Variants in MAPK4 observed in about 807,000 individuals in gnomAD.
MAPK4 encodes the protein Erk3-related.
MAPK4 carries 22 observed loss-of-function variants against 47.7 expected under a neutral mutation model. The observed-to-expected ratio is 0.46, with a 90% CI of 0.33 to 0.66. MAPK4 has a LOEUF of 0.66. Ranked by LOEUF, MAPK4 falls within the 30% of genes least tolerant of loss-of-function variation. MAPK4 has a pLI of 0.02. For missense variants in MAPK4, 736 were observed against 831.7 expected, an observed-to-expected ratio of 0.88 and a Z score of 1.42; for synonymous variants, 390 against 365.7, an observed-to-expected ratio of 1.07 and a Z score of -0.76.
chr18:50,714,944 G>A lies in MAPK4; in HGVS notation c.547-135G>A, dbSNP rs535039450. The A allele has an allele frequency of 4.7e-4, 407 of 862,990 alleles. 7 individuals are homozygous for A. In the South Asian group the frequency reaches 6.9e-3, roughly 15 times the overall value. 53.5% of individuals were successfully genotyped at this position (862,990 alleles called of 1,614,324 possible). A position where few individuals can be genotyped will look rare whatever the true frequency, so the allele number is the denominator to read the frequency against. On this transcript the variant is annotated intron_variant, in intron 2 of 5. Coordinates refer to ENST00000400384, the MANE Select transcript of MAPK4 (RefSeq NM_002747.4). ...CGTCTGTTCACTCATGCTCCTTCAA[G>A]ATCAATGGGAAAGGGGCAAGAATGA...
At chr18:50,606,227 T>C (rs1428941002) in intron 1 of MAPK4, among the ~76,000 whole-genome samples, 1 of 152,008 alleles carries the variant, frequency 6.6e-6, no homozygotes, top group South Asian at 2.1e-4. Context: ...TTGACAGATA[T>C]AAGCAAAGGA....
intron 1 of MAPK4, among the ~76,000 whole-genome samples, chr18:50,572,864 A>G (rs1437276354): frequency 2.0e-5 from 3 of 152,230 alleles, no homozygotes; most frequent in East Asian, 1.9e-4. Context: ...TTATTTAATT[A>G]TCACCACCAA....
intron 1 of MAPK4, among the ~76,000 whole-genome samples, chr18:50,643,132 T>C (rs1310976614): frequency 6.6e-6 from 1 of 152,240 alleles, no homozygotes; most frequent in Non-Finnish European, 1.5e-5. Flanking sequence ...TTGATGACAT[T>C]TACATGTTGT....
intron 3 of MAPK4, among the ~76,000 whole-genome samples, chr18:50,715,489 A>G (rs985059535): frequency 1.3e-5 from 2 of 152,314 alleles, no homozygotes; most frequent in South Asian, 4.1e-4. Context: ...TGTTCCCCTA[A>G]CATTCAAAGG....
chr18:50,633,970 C>A (rs1181384530), intron 1 of MAPK4, among the ~76,000 whole-genome samples: 5 of 152,088 alleles, frequency 3.3e-5, no homozygotes, highest in Non-Finnish European at 7.4e-5. Context: ...GAACATTGTG[C>A]CATAAATTTG....
intron 1 of MAPK4, among the ~76,000 whole-genome samples, chr18:50,628,094 G>T (rs1467140396): frequency 6.6e-6 from 1 of 152,192 alleles, no homozygotes; most frequent in Admixed American, 6.5e-5. Context: ...AGGGGCTGGG[G>T]AGGGGGAAGG....
chr18:50,620,430 G>A (rs1376435764), intron 1 of MAPK4, among the ~76,000 whole-genome samples: 1 of 152,182 alleles, frequency 6.6e-6, no homozygotes, highest in African/African-American at 2.4e-5. Context: ...TAGAAATTCT[G>A]ACGCAGAATC....
intron 2 of MAPK4, among the ~76,000 whole-genome samples, chr18:50,667,726 C>G (rs1490481721): frequency 1.3e-5 from 2 of 152,178 alleles, no homozygotes; most frequent in Non-Finnish European, 2.9e-5. Context: ...GAAAAACTCT[C>G]AGAACATTTT....
intron 1 of MAPK4, among the ~76,000 whole-genome samples, chr18:50,561,541 A>G (rs149396131): frequency 3.3e-5 from 5 of 152,348 alleles, no homozygotes; most frequent in African/African-American, 4.8e-5. Flanking sequence ...CCTTATTGTA[A>G]TATGTATTTA....
chr18:50,718,622 T>C (rs1910762069), intron 3 of MAPK4, among the ~76,000 whole-genome samples: 1 of 152,208 alleles, frequency 6.6e-6, no homozygotes, highest in African/African-American at 2.4e-5. Flanking sequence ...AATCTCTCAA[T>C]CACAGCAATG....
chr18:50,582,251 G>A (rs2042351886), intron 1 of MAPK4, among the ~76,000 whole-genome samples: 1 of 152,220 alleles, frequency 6.6e-6, no homozygotes, highest in African/African-American at 2.4e-5. Context: ...GTGGCTCCTA[G>A]TGGCAAGCTC....
intron 1 of MAPK4, among the ~76,000 whole-genome samples, chr18:50,561,915 C>T (rs2042157086): frequency 6.6e-6 from 1 of 152,144 alleles, no homozygotes; most frequent in South Asian, 2.1e-4. Context: ...AAGGCAAAGC[C>T]CTAATGCTCA....
intron 1 of MAPK4, among the ~76,000 whole-genome samples, chr18:50,581,724 C>T (rs1385842648): frequency 6.6e-6 from 1 of 152,200 alleles, no homozygotes; most frequent in Non-Finnish European, 1.5e-5. Flanking sequence ...CTCTGGGGAA[C>T]TCCATGCACC....
At chr18:50,684,536 C>A (rs1446764245) in intron 2 of MAPK4, among the ~76,000 whole-genome samples, 1 of 150,484 alleles carries the variant, frequency 6.6e-6, no homozygotes, top group Non-Finnish European at 1.5e-5. Flanking sequence ...AGAGAGCGAG[C>A]CCCTGACTCA....
chr18:50,590,615 A>G (rs532656628), intron 1 of MAPK4, among the ~76,000 whole-genome samples: 1 of 152,370 alleles, frequency 6.6e-6, no homozygotes, highest in East Asian at 1.9e-4. Context: ...TGAAAGGTAA[A>G]CACAGATATA....
At chr18:50,617,744 AG>A (rs1192714696) in intron 1 of MAPK4, among the ~76,000 whole-genome samples, 1 of 152,228 alleles carries the variant, frequency 6.6e-6, no homozygotes, top group Admixed American at 6.5e-5. Flanking sequence ...AATCTTCTCT[AG>A]AACATTCCTG....
intron 2 of MAPK4, among the ~76,000 whole-genome samples, chr18:50,695,714 A>T (rs1909480757): frequency 6.6e-6 from 1 of 152,224 alleles, no homozygotes; most frequent in Non-Finnish European, 1.5e-5. Context: ...GGACGGAGGC[A>T]GAGGGAGCAC....
chr18:50,580,247 A>G (rs888729817), intron 1 of MAPK4, among the ~76,000 whole-genome samples: 2 of 152,162 alleles, frequency 1.3e-5, no homozygotes, highest in Non-Finnish European at 2.9e-5. Flanking sequence ...GTCTGTTCTC[A>G]GTAGTAGGGG....
At chr18:50,658,695 A>G (rs370328014) in intron 1 of MAPK4, among the ~76,000 whole-genome samples, 4 of 152,268 alleles carry the variant, frequency 2.6e-5, no homozygotes, top group African/African-American at 9.6e-5. Flanking sequence ...AGGCCAGATT[A>G]GGTAGCTTTT....
Sources: allele counts gnomAD v4.1 joint callset (sites outside exome capture counted in the v4.1 genomes callset), GRCh38; gene constraint gnomAD v4.1.1; transcripts MANE v1.5; gene names NCBI Gene and HGNC (gene_info 2026-07-23, HGNC 2026-07-21).